The following ZNF385D variants were observed in gnomAD, a reference collection of about 807,000 sequenced individuals.
ZNF385D encodes the protein zinc finger protein 659.
In ZNF385D, 15 loss-of-function variants were observed where a neutral mutation model predicts 35.8. The ratio of observed to expected loss-of-function variants is 0.42; its 90% CI spans 0.28 to 0.64. ZNF385D has a LOEUF of 0.64. Ranked by LOEUF, ZNF385D falls within the 30% of genes least tolerant of loss-of-function variation. The pLI is 0.23. For synonymous variants in ZNF385D, 212 were observed against 186.8 expected (o/e 1.13, Z -1.10); for missense variants, 474 against 494.6 (o/e 0.96, Z 0.39).
chr3:22,180,411 G>C (rs898290184), intron 2 of ZNF385D, among the ~76,000 whole-genome samples: 4 of 152,308 alleles, frequency 2.6e-5, no homozygotes, highest in Admixed American at 2.6e-4. Context: ...TAGAAAAAGA[G>C]GGAATCCTCC....
chr3:22,127,067 T>C (rs1411810677), intron 3 of ZNF385D, among the ~76,000 whole-genome samples: 1 of 152,100 alleles, frequency 6.6e-6, no homozygotes, highest in East Asian at 1.9e-4. Context: ...ATTGTGTGTC[T>C]TTACAGGTGA....
intron 3 of ZNF385D, among the ~76,000 whole-genome samples, chr3:21,965,026 T>C (rs573848628): frequency 6.6e-6 from 1 of 152,176 alleles, no homozygotes; most frequent in Non-Finnish European, 1.5e-5. Flanking sequence ...ATTGGCAGCA[T>C]AATTAATATT....
chr3:22,108,743 T>A (rs2125639692), intron 3 of ZNF385D, among the ~76,000 whole-genome samples: 1 of 152,300 alleles, frequency 6.6e-6, no homozygotes, highest in African/African-American at 2.4e-5. Flanking sequence ...CTAGGTGCAG[T>A]GGCTCATGCC....
chr3:22,187,640 C>A (rs9853334), intron 2 of ZNF385D, among the ~76,000 whole-genome samples: 71,842 of 151,978 alleles, frequency 0.47, 19,212 homozygotes, highest in African/African-American at 0.73. Context: ...CTCAAAATAA[C>A]ATTTAACATT....
intron 3 of ZNF385D, among the ~76,000 whole-genome samples, chr3:21,789,929 A>T (rs1211105877): frequency 1.3e-5 from 2 of 152,176 alleles, no homozygotes; most frequent in African/African-American, 4.8e-5. Flanking sequence ...GGGGATGAAA[A>T]GCTCTTAACA....
chr3:21,927,899 T>G (rs139230865), intron 3 of ZNF385D, among the ~76,000 whole-genome samples: 14 of 152,158 alleles, frequency 9.2e-5, no homozygotes, highest in African/African-American at 1.7e-4. Context: ...ACAGCACAAC[T>G]AGACAGAAAA....
upstream of ZNF385D, among the ~76,000 whole-genome samples, chr3:21,756,027 T>C (rs2070324018): frequency 1.3e-5 from 2 of 152,218 alleles, no homozygotes; most frequent in South Asian, 2.1e-4. Context: ...AGAAATACTT[T>C]GACTTTTATT....
At chr3:22,119,718 T>C (rs1432594282) in intron 3 of ZNF385D, among the ~76,000 whole-genome samples, 1 of 152,184 alleles carries the variant, frequency 6.6e-6, no homozygotes, top group Non-Finnish European at 1.5e-5. Flanking sequence ...TGTTTTACTA[T>C]CTCTCCAGTA....
rs548402030 is a variant in ZNF385D at position 22,197,311 on chromosome 3, C to A, written c.107-28276G>T. Among the ~76,000 whole-genome samples the A allele has an allele frequency of 2.0e-5, 3 of 152,084 alleles. No homozygotes were observed. The East Asian group carries it at 5.8e-4, about 29-fold the overall frequency. The stretch of plus-strand genomic sequence containing the variant: ...CTCCTCTTCTAGGACTATAGTTACA[C>A]CTGCATTAGAACTTTTCATGATGAA... On this transcript the variant is annotated intron_variant, in intron 2 of 5. Transcript: ENST00000494108.
At chr3:22,223,153 T>TC (rs1698359250) in intron 2 of ZNF385D, among the ~76,000 whole-genome samples, 1 of 152,168 alleles carries the variant, frequency 6.6e-6, no homozygotes, top group Non-Finnish European at 1.5e-5. Flanking sequence ...TAGCCCTCCT[T>TC]CAGTTTTCAG....
intron 2 of ZNF385D, among the ~76,000 whole-genome samples, chr3:21,615,052 T>C (rs959503137): frequency 1.3e-5 from 2 of 152,202 alleles, no homozygotes; most frequent in Non-Finnish European, 2.9e-5. Context: ...AGATAAGTGA[T>C]ATGTTTTGGA....
intron 2 of ZNF385D, among the ~76,000 whole-genome samples, chr3:22,208,727 AT>A (rs925247053): frequency 8.3e-5 from 12 of 144,470 alleles, no homozygotes; most frequent in African/African-American, 2.9e-4. Context: ...TAAAAAAAAA[AT>A]TTAAAAAATA....
At chr3:22,191,936 T>A (rs1696065052) in intron 2 of ZNF385D, among the ~76,000 whole-genome samples, 1 of 152,152 alleles carries the variant, frequency 6.6e-6, no homozygotes. Context: ...AATTTCCAGA[T>A]TCATCTAACA....
chr3:21,503,481 T>C (rs932500784), intron 4 of ZNF385D, among the ~76,000 whole-genome samples: 7 of 152,180 alleles, frequency 4.6e-5, no homozygotes, highest in Admixed American at 3.3e-4. Flanking sequence ...CTAAAGGATA[T>C]TGAGGTTGAT....
At chr3:21,951,264 C>G (rs2125298564) in intron 3 of ZNF385D, among the ~76,000 whole-genome samples, 1 of 151,752 alleles carries the variant, frequency 6.6e-6, no homozygotes, top group Admixed American at 6.6e-5. Flanking sequence ...TCCTTCACAT[C>G]CCTTATAAGT....
At chr3:22,157,325 C>T (rs1182883360) in intron 3 of ZNF385D, among the ~76,000 whole-genome samples, 1 of 152,078 alleles carries the variant, frequency 6.6e-6, no homozygotes, top group Non-Finnish European at 1.5e-5. Flanking sequence ...AATGTAAATG[C>T]ATGAAAAATG....
chr3:21,474,008 A>G (rs1704069279), intron 4 of ZNF385D, among the ~76,000 whole-genome samples: 1 of 151,994 alleles, frequency 6.6e-6, no homozygotes, highest in Non-Finnish European at 1.5e-5. Context: ...ATGTGTATAT[A>G]TGTGTGTGTG....
intron 3 of ZNF385D, among the ~76,000 whole-genome samples, chr3:21,824,578 A>G (rs574028949): frequency 1.8e-4 from 27 of 152,234 alleles, no homozygotes; most frequent in African/African-American, 5.8e-4. Context: ...AAAACTTCAT[A>G]TATCTAGTTT....
At chr3:22,322,013 T>G (rs980672461) in intron 2 of ZNF385D, among the ~76,000 whole-genome samples, 4 of 152,154 alleles carry the variant, frequency 2.6e-5, no homozygotes, top group African/African-American at 9.7e-5. Flanking sequence ...TTTAGAAAAT[T>G]CCCTGCCTTT....
Sources: allele counts gnomAD v4.1 joint callset (sites outside exome capture counted in the v4.1 genomes callset), GRCh38; gene constraint gnomAD v4.1.1; transcripts MANE v1.5; gene names NCBI Gene and HGNC (gene_info 2026-07-23, HGNC 2026-07-21).